The following CCDC175 variants were observed in gnomAD, a reference collection of about 807,000 sequenced individuals.
CCDC175 encodes coiled-coil domain containing 175.
In CCDC175, 100 loss-of-function variants were observed where a neutral mutation model predicts 114.6. The observed-to-expected ratio is 0.87, with a 90% confidence interval of 0.74 to 1.03. The LOEUF is 1.03. Ranked by LOEUF, CCDC175 falls within the 50% of genes least tolerant of loss-of-function variation. The pLI, the probability that CCDC175 is intolerant of heterozygous loss-of-function variation, is 0.00. For synonymous variants in CCDC175, 306 were observed against 308.7 expected, an observed-to-expected ratio of 0.99 and a Z score of 0.09; for missense variants, 880 against 917.8, an observed-to-expected ratio of 0.96 and a Z score of 0.53.
intron 15 of CCDC175, among the ~76,000 whole-genome samples, chr14:59,526,014 C>A (rs1893713120): frequency 6.6e-6 from 1 of 152,050 alleles, no homozygotes; most frequent in Non-Finnish European, 1.5e-5. Flanking sequence ...GATATATAAA[C>A]AATTGTCCAG....
Position 59,565,966 on chromosome 14 carries a change from G to T in CCDC175, c.492-691C>A, listed in dbSNP as rs149879331. On this transcript the variant is annotated intron_variant, in intron 4 of 19. Coordinates refer to ENST00000537690, the MANE Select transcript of CCDC175 (RefSeq NM_001164399.2). Reference sequence around the variant, plus strand: ...ATGTCTATCTTATCATCCTGAGATAGGCTGTTAAGCTAAAGAAAGAGAAAT... The same window carrying T: ...ATGTCTATCTTATCATCCTGAGATATGCTGTTAAGCTAAAGAAAGAGAAAT... Among the ~76,000 whole-genome samples, 535 of 152,266 alleles carry T rather than the reference G, an allele frequency of 3.5e-3. 1 individual carries two copies. Among genetic ancestry groups the T allele is most frequent in the Non-Finnish European group, 5.2e-3 (357 of 68,026 alleles).
chr14:59,572,464 G>A lies in CCDC175; in HGVS notation c.355+238C>T, dbSNP rs1896893755. ...ATTGGATAAATACCAATTTGGAATG[G>A]GCTGATCCATTTATCTATAGTCTAT... On this transcript the variant is annotated intron_variant, in intron 3 of 19. Transcript: ENST00000537690. 2.0e-5 allele frequency among the ~76,000 whole-genome samples: 3 copies of A among 152,050 alleles called. No homozygotes were observed. In the South Asian group the frequency reaches 6.2e-4, roughly 32 times the overall value.
At chr14:59,507,791 C>T (rs1198573557) in intron 19 of CCDC175, among the ~76,000 whole-genome samples, 1 of 152,120 alleles carries the variant, frequency 6.6e-6, no homozygotes, top group African/African-American at 2.4e-5. Context: ...ACTGGGGAGA[C>T]TGAGGAGTGG....
intron 14 of CCDC175, among the ~76,000 whole-genome samples, chr14:59,528,659 C>A (rs148532794): frequency 1.6e-4 from 25 of 152,116 alleles, no homozygotes; most frequent in African/African-American, 5.3e-4. Flanking sequence ...ATAATGTAAG[C>A]ATTATTCACT....
intron 14 of CCDC175, among the ~76,000 whole-genome samples, chr14:59,528,985 G>T (rs550427322): frequency 3.3e-5 from 5 of 152,176 alleles, no homozygotes; most frequent in African/African-American, 1.2e-4. Flanking sequence ...TTTCCATCAA[G>T]TTCTCTTGTT....
intron 2 of CCDC175, among the ~76,000 whole-genome samples, chr14:59,574,344 T>C (rs1410777362): frequency 1.3e-5 from 2 of 152,224 alleles, no homozygotes; most frequent in Non-Finnish European, 2.9e-5. Context: ...GCATTGTCAA[T>C]GTGATCCTTG....
chr14:59,560,396 T>A (rs1290862716), intron 7 of CCDC175, among the ~76,000 whole-genome samples: 1 of 152,146 alleles, frequency 6.6e-6, no homozygotes, highest in Non-Finnish European at 1.5e-5. Flanking sequence ...TCCATCTTCT[T>A]GTGCAGAGCT....
intron 6 of CCDC175, among the ~76,000 whole-genome samples, chr14:59,562,947 T>C (rs1045495305): frequency 1.3e-5 from 2 of 152,230 alleles, no homozygotes; most frequent in Non-Finnish European, 2.9e-5. Context: ...ATAATAGATA[T>C]ATTGTAATTA....
chr14:59,575,505 C>CTTT (rs58872671), intron 1 of CCDC175, among the ~76,000 whole-genome samples: 6 of 98,396 alleles, frequency 6.1e-5, no homozygotes, highest in Admixed American at 1.1e-4. Flanking sequence ...GGTAACATTC[C>CTTT]TTTTTTTTTT....
intron 3 of CCDC175, 89 bp from the exon 4 acceptor site, chr14:59,568,469 A>T: frequency 9.9e-7 from 1 of 1,011,264 alleles, no homozygotes; most frequent in Non-Finnish European, 1.4e-6. Flanking sequence ...TTTCTTTGAA[A>T]TATTCTTTTA....
chr14:59,536,231 C>G (rs1266605962), intron 13 of CCDC175, among the ~76,000 whole-genome samples: 1 of 152,004 alleles, frequency 6.6e-6, no homozygotes, highest in East Asian at 1.9e-4. Flanking sequence ...TGCCTCAGGC[C>G]CTTCCTGCCT....
intron 6 of CCDC175, 47 bp from the exon 7 acceptor site, chr14:59,561,275 A>G: frequency 1.0e-6 from 1 of 987,422 alleles, no homozygotes. Flanking sequence ...TCACCAAGTG[A>G]TTCATAACAG....
chr14:59,521,254 G>C (rs921123198), intron 17 of CCDC175, among the ~76,000 whole-genome samples: 5 of 152,150 alleles, frequency 3.3e-5, no homozygotes, highest in African/African-American at 7.2e-5. Flanking sequence ...GATGCTTCCT[G>C]CCCTCGAACA....
intron 3 of CCDC175, among the ~76,000 whole-genome samples, chr14:59,569,319 A>T (rs1339432713): frequency 2.0e-5 from 3 of 152,122 alleles, no homozygotes; most frequent in African/African-American, 7.2e-5. Flanking sequence ...TCATCTGGAG[A>T]TCTTCTTAAA....
intron 7 of CCDC175, among the ~76,000 whole-genome samples, chr14:59,552,012 T>A (rs1895534676): frequency 1.3e-5 from 2 of 152,262 alleles, no homozygotes; most frequent in African/African-American, 4.8e-5. Flanking sequence ...CAAGGAGGAC[T>A]GCCTGCCTCT....
intron 8 of CCDC175, among the ~76,000 whole-genome samples, chr14:59,547,381 T>A (rs992366461): frequency 6.6e-5 from 10 of 152,184 alleles, no homozygotes; most frequent in Admixed American, 5.9e-4. Context: ...GTGACAAAAT[T>A]GAAAAGGTCA....
intron 7 of CCDC175, among the ~76,000 whole-genome samples, chr14:59,554,828 C>A (rs1421382239): frequency 6.6e-6 from 1 of 152,082 alleles, no homozygotes; most frequent in Non-Finnish European, 1.5e-5. Flanking sequence ...TCAGAGAATA[C>A]TATAAACACC....
intron 17 of CCDC175, 27 bp downstream of exon 17, chr14:59,521,547 T>A: frequency 7.7e-7 from 1 of 1,296,146 alleles, no homozygotes; most frequent in Non-Finnish European, 1.1e-6. Context: ...GAACCCTGAC[T>A]AATACAAGCA....
chr14:59,539,936 T>C (rs1167056844), intron 11 of CCDC175, among the ~76,000 whole-genome samples: 4 of 151,998 alleles, frequency 2.6e-5, no homozygotes, highest in South Asian at 4.2e-4. Context: ...CTGGGAGTGG[T>C]AGTGCGTGCC....
Sources: gnomAD v4.1 joint callset for allele counts (sites outside exome capture counted in the v4.1 genomes callset) on GRCh38, gnomAD v4.1.1 for gene constraint, MANE v1.5 for transcripts, NCBI Gene and HGNC (gene_info 2026-07-23, HGNC 2026-07-21) for gene names.